DNAI2: variants seen among roughly 807,000 people sequenced by gnomAD.
DNAI2 encodes dynein axonemal intermediate chain 2.
Under a neutral mutation model 74.7 loss-of-function variants are expected in DNAI2, and 63 were observed. The observed-to-expected ratio is 0.84, with a 90% CI of 0.69 to 1.04. The LOEUF (loss-of-function observed/expected upper bound fraction) is 1.04, where lower values mean the gene tolerates loss of function less well. Among genes scored for constraint, DNAI2 ranks in the 50% least tolerant of loss-of-function variants. The pLI is 0.00. For synonymous variants in DNAI2, 289 were observed against 314.9 expected (o/e 0.92, Z 0.87); for missense variants, 688 against 803.2 (o/e 0.86, Z 1.73).
Position 74,285,071 on chromosome 17 carries a change from G to A in DNAI2, c.215G>A (p.Arg72Gln), listed in dbSNP as rs200668134. 36 of 1,614,190 alleles carry A rather than the reference G, an allele frequency of 2.2e-5. No individual in the cohort carries two copies. Among genetic ancestry groups the A allele is most frequent in the Admixed American group, 1.0e-4 (6 of 60,018 alleles). The change falls in exon 3 of 14, where the codon CGG becomes CAG. Residue 72 changes from arginine (R) to glutamine (Q), a missense_variant. Coordinates refer to ENST00000311014, the MANE Select transcript of DNAI2 (RefSeq NM_023036.6). ...ANSERFEMET[R>Q]GVNHVEGGWP... is the part of the protein sequence containing the mutation. ...TCAGAGCGGTTTGAGATGGAGACCCGGGGAGTTAACCATGTCGAGGGGGGC... is the reference window on the plus strand; with the variant it reads ...TCAGAGCGGTTTGAGATGGAGACCCAGGGAGTTAACCATGTCGAGGGGGGC...
chr17:74,306,311 C>T (rs1433735787), intron 9 of DNAI2, among the ~76,000 whole-genome samples: 1 of 152,142 alleles, frequency 6.6e-6, no homozygotes, highest in Non-Finnish European at 1.5e-5. Flanking sequence ...TTCTTAGGGC[C>T]CATTTACCTT....
At chr17:74,286,261 A>T (rs2143913157) in intron 3 of DNAI2, among the ~76,000 whole-genome samples, 1 of 150,368 alleles carries the variant, frequency 6.7e-6, no homozygotes, top group African/African-American at 2.4e-5. Flanking sequence ...GCACCCCTGC[A>T]CTCTAACCTG....
intron 8 of DNAI2, among the ~76,000 whole-genome samples, chr17:74,301,481 C>T (rs759103872): frequency 2.0e-5 from 3 of 152,306 alleles, no homozygotes; most frequent in Admixed American, 6.5e-5. Context: ...GGGAAGGTCA[C>T]GCCCAGGACC....
chr17:74,277,040 C>G (rs2051122733), intron 1 of DNAI2, among the ~76,000 whole-genome samples: 1 of 151,064 alleles, frequency 6.6e-6, no homozygotes, highest in East Asian at 1.9e-4. Context: ...CACCCTGTGC[C>G]CTCTAAGCCA....
intron 9 of DNAI2, among the ~76,000 whole-genome samples, chr17:74,308,432 G>A (rs1044425221): frequency 3.3e-5 from 5 of 152,192 alleles, no homozygotes; most frequent in African/African-American, 1.2e-4. Flanking sequence ...CCCAGGGCTG[G>A]GACCAGGTCC....
At position 74,314,500 on chromosome 17, in the gene DNAI2, G is replaced by T. The variant is rs532954622; in HGVS notation, c.*56-89G>T. ...GCCACCCTGAGCCCACCCCAAGGCC[G>T]AGGCCACCTTAGTCCTAGTCCTGGA... is the stretch of plus-strand genomic sequence containing the variant. On this transcript the variant is annotated intron_variant, in intron 13 of 13. Transcript: ENST00000311014. 7 of 432,886 alleles carry T rather than the reference G, an allele frequency of 1.6e-5. No homozygotes were observed. In the East Asian group the frequency reaches 3.7e-4, roughly 23 times the overall value. 26.8% of individuals were successfully genotyped at this position (432,886 alleles called of 1,614,324 possible).
At chr17:74,285,958 CAT>C (rs755199948) in intron 3 of DNAI2, among the ~76,000 whole-genome samples, 309 of 111,840 alleles carry the variant, frequency 2.8e-3, no homozygotes, top group African/African-American at 7.6e-3. Flanking sequence ...CACACACACA[CAT>C]ATATATATAT....
intron 9 of DNAI2, 21 bp downstream of exon 9, chr17:74,305,463 C>T: frequency 6.2e-7 from 1 of 1,610,102 alleles, no homozygotes; most frequent in Non-Finnish European, 8.5e-7. Flanking sequence ...ATGCTGGGGA[C>T]AGGAGGGGAT....
chr17:74,296,076 A>G (rs1238237720), intron 6 of DNAI2, among the ~76,000 whole-genome samples: 2 of 152,118 alleles, frequency 1.3e-5, no homozygotes, highest in Non-Finnish European at 2.9e-5. Flanking sequence ...AGCTCTATCC[A>G]TGCTTGTGAC....
intron 6 of DNAI2, among the ~76,000 whole-genome samples, chr17:74,296,804 A>G (rs1164625618): frequency 6.6e-6 from 1 of 152,146 alleles, no homozygotes; most frequent in Non-Finnish European, 1.5e-5. Context: ...GCTGTTTTTC[A>G]TCAGGAGTGC....
chr17:74,307,544 C>T (rs1567873121), intron 9 of DNAI2, among the ~76,000 whole-genome samples: 1 of 152,134 alleles, frequency 6.6e-6, no homozygotes, highest in Non-Finnish European at 1.5e-5. Context: ...TGGCTAACGC[C>T]TGTAATCCCA....
At chr17:74,293,671 T>C (rs1306044063) in intron 6 of DNAI2, among the ~76,000 whole-genome samples, 1 of 151,250 alleles carries the variant, frequency 6.6e-6, no homozygotes, top group East Asian at 2.0e-4. Flanking sequence ...GCCACTGAAC[T>C]CCAGCCTGGG....
At position 74,299,783 on chromosome 17, in the gene DNAI2, G is replaced by T. The variant is rs2052653669; in HGVS notation, c.790G>T (p.Asp264Tyr). 1 of 1,613,384 alleles carries T rather than the reference G, an allele frequency of 6.2e-7. No homozygotes were observed. Among genetic ancestry groups the T allele is most frequent in the African/African-American group, 1.3e-5 (1 of 74,880 alleles). ...ELSTIESSHR[D>Y]PVYGTIWLQS... is the part of the protein sequence containing the mutation. Reference sequence around the variant, plus strand: ...ATCCACCATTGAGTCCAGCCACCGAGACCCTGTGTATGGCACCATCTGGCT... The same window carrying T: ...ATCCACCATTGAGTCCAGCCACCGATACCCTGTGTATGGCACCATCTGGCT... Residue 264 changes from aspartate to tyrosine, a missense_variant, in exon 7 of 14, where the codon GAC becomes TAC. By Grantham distance (160) the Asp-to-Tyr change is radical. Coordinates refer to ENST00000311014, the MANE Select transcript of DNAI2 (RefSeq NM_023036.6).
chr17:74,302,803 A>C (rs1194012081), intron 8 of DNAI2, among the ~76,000 whole-genome samples: 2 of 152,090 alleles, frequency 1.3e-5, no homozygotes, highest in Non-Finnish European at 2.9e-5. Flanking sequence ...GTCATGGGCC[A>C]TCATTCCTAG....
In DNAI2 at chr17:74,300,979, C is replaced by A; in HGVS notation, c.865-67C>A. Reference sequence around the variant, plus strand: ...TGACCCCAGGACGGTGGGGTGAGGGCGGAGAAGGCAAAAGCCAGGGGAAAT... The same window carrying A: ...TGACCCCAGGACGGTGGGGTGAGGGAGGAGAAGGCAAAAGCCAGGGGAAAT... On this transcript the variant is annotated intron_variant, in intron 7 of 13. Coordinates refer to ENST00000311014, the MANE Select transcript of DNAI2 (RefSeq NM_023036.6). This position sits in a 1 kb window ranked among gnomAD's most constrained non-coding sequence, Gnocchi z 4.5. The A allele has an allele frequency of 6.2e-7, 1 of 1,602,842 alleles. No homozygotes were observed. Among genetic ancestry groups the A allele is most frequent in the Non-Finnish European group, 8.5e-7 (1 of 1,174,794 alleles).
Position 74,309,293 on chromosome 17 carries a change from G to A in DNAI2, c.1252G>A (p.Val418Met), listed in dbSNP as rs564337753. 57 of 1,614,056 alleles carry A rather than the reference G, an allele frequency of 3.5e-5. No individual in the cohort carries two copies. The highest frequency in any genetic ancestry group is 8.8e-5 in the South Asian group (8 of 91,062). The change falls in exon 10 of 14, where the codon GTG becomes ATG. Residue 418 changes from valine (V) to methionine (M), a missense_variant. Physicochemically the swap from Val to Met is conservative, Grantham distance 21 (BLOSUM62 1). Transcript: ENST00000311014. ...CCTCACTGATGCTGCCTGGAGCCCC[G>A]TGAGGCCGACCGTTTTCTTTACCAC... Reference protein sequence around the residue: ...AYLTDAAWSPVRPTVFFTTRM... With the variant: ...AYLTDAAWSPMRPTVFFTTRM...
At chr17:74,280,197 C>G (rs1429016357) in intron 1 of DNAI2, among the ~76,000 whole-genome samples, 1 of 152,204 alleles carries the variant, frequency 6.6e-6, no homozygotes, top group Non-Finnish European at 1.5e-5. Flanking sequence ...AATGGCCCAG[C>G]CCATTGCATT....
At chr17:74,287,427 G>A (rs537886329) in intron 4 of DNAI2, among the ~76,000 whole-genome samples, 11 of 152,334 alleles carry the variant, frequency 7.2e-5, no homozygotes, top group East Asian at 5.8e-4. Context: ...CCCCCGCCGC[G>A]GCCTGCACTC....
At chr17:74,292,347 T>G (rs542154815) in intron 6 of DNAI2, among the ~76,000 whole-genome samples, 1 of 152,274 alleles carries the variant, frequency 6.6e-6, no homozygotes, top group South Asian at 2.1e-4. Flanking sequence ...ACTTTTCCAT[T>G]TCATCAAGTT....
Sources: gnomAD v4.1 joint callset for allele counts (sites outside exome capture counted in the v4.1 genomes callset) on GRCh38, gnomAD v4.1.1 for gene constraint, Gnocchi (gnomAD v3.1) non-coding constraint, MANE v1.5 for transcripts, NCBI Gene and HGNC (gene_info 2026-07-23, HGNC 2026-07-21) for gene names.